The following MAGI2 variants were observed in gnomAD, a reference collection of about 807,000 sequenced individuals.
MAGI2 encodes the protein membrane associated guanylate kinase, WW and PDZ domain containing 2.
Under a neutral mutation model 133.3 loss-of-function variants are expected in MAGI2, and 35 were observed. That is an observed-to-expected ratio of 0.26 (90% confidence interval 0.20 to 0.35). The LOEUF (loss-of-function observed/expected upper bound fraction) is 0.35, where lower values mean the gene tolerates loss of function less well. MAGI2 is among the 10% of genes least tolerant of loss of function. The probability of loss-of-function intolerance (pLI) is 1.00; values close to 1 mark genes in which losing one functional copy is unlikely to be tolerated. For missense variants in MAGI2, 1,636 were observed against 1,863.4 expected (o/e 0.88, Z 2.25); for synonymous variants, 729 against 710.6 (o/e 1.03, Z -0.41).
intron 2 of MAGI2, among the ~76,000 whole-genome samples, chr7:78,960,784 C>T (rs1054188958): frequency 6.6e-6 from 1 of 152,066 alleles, no homozygotes; most frequent in Non-Finnish European, 1.5e-5. Flanking sequence ...GGAACTAACT[C>T]CAAACCATGG....
At chr7:79,157,941 AGT>A (rs60535225) in intron 1 of MAGI2, among the ~76,000 whole-genome samples, 9,857 of 134,820 alleles carry the variant, frequency 0.073, 366 homozygotes, top group African/African-American at 0.091. Context: ...TCTTTGTGTG[AGT>A]GTGTGTGTGT....
At chr7:79,019,528 C>A (rs942967134) in intron 1 of MAGI2, among the ~76,000 whole-genome samples, 3 of 152,048 alleles carry the variant, frequency 2.0e-5, no homozygotes, top group Admixed American at 1.3e-4. Context: ...TTGGGTATTT[C>A]TTTTTTCTGT....
chr7:78,060,244 ACC>A (rs546547396), intron 21 of MAGI2, among the ~76,000 whole-genome samples: 2 of 102,038 alleles, frequency 2.0e-5, no homozygotes, highest in African/African-American at 7.4e-5. Flanking sequence ...AACAAAAGGG[ACC>A]CCCCCCCCTC....
At chr7:78,683,878 A>C (rs1161564494) in intron 2 of MAGI2, among the ~76,000 whole-genome samples, 3 of 152,212 alleles carry the variant, frequency 2.0e-5, no homozygotes, top group Admixed American at 6.5e-5. Flanking sequence ...AACAGCTGAT[A>C]AAATACCAGT....
intron 14 of MAGI2, among the ~76,000 whole-genome samples, chr7:78,175,530 G>A (rs1008599560): frequency 2.6e-5 from 4 of 152,142 alleles, no homozygotes; most frequent in South Asian, 4.1e-4. Flanking sequence ...TCCACTTCAC[G>A]TAGCCTGGTG....
chr7:79,215,548 G>A (rs1455213715), intron 1 of MAGI2, among the ~76,000 whole-genome samples: 1 of 151,944 alleles, frequency 6.6e-6, no homozygotes, highest in Non-Finnish European at 1.5e-5. Flanking sequence ...ACTTTCTATT[G>A]ATTCCAGGTC....
chr7:78,098,445 C>G lies in MAGI2; in HGVS notation c.3568-19360G>C, dbSNP rs142228400. 1.5e-3 allele frequency among the ~76,000 whole-genome samples: 231 copies of G among 152,250 alleles called. 6 individuals carry two copies. The South Asian group carries it at 0.038, about 25-fold the overall frequency. ...ATCTGTTCATATAGAGGATACAGTT[C>G]ATTTTCACTACTACATAATTCTCTA... On this transcript the variant is annotated intron_variant, in intron 20 of 21. Coordinates refer to ENST00000354212, the MANE Select transcript of MAGI2 (RefSeq NM_012301.4).
At chr7:79,022,291 A>C (rs1378183429) in intron 1 of MAGI2, among the ~76,000 whole-genome samples, 1 of 152,196 alleles carries the variant, frequency 6.6e-6, no homozygotes, top group Non-Finnish European at 1.5e-5. Flanking sequence ...GGTAAACAAT[A>C]AAATTAAATC....
chr7:79,219,431 G>A (rs575996817), intron 1 of MAGI2, among the ~76,000 whole-genome samples: 11 of 151,844 alleles, frequency 7.2e-5, no homozygotes, highest in Non-Finnish European at 1.0e-4. Context: ...TATGTATTTG[G>A]CATTTAGCTT....
At chr7:79,373,307 T>C (rs1175321480) in intron 1 of MAGI2, among the ~76,000 whole-genome samples, 2 of 152,042 alleles carry the variant, frequency 1.3e-5, no homozygotes, top group Non-Finnish European at 2.9e-5. Context: ...GAGTTGCCTG[T>C]TATTGGCAAA....
intron 2 of MAGI2, among the ~76,000 whole-genome samples, chr7:78,980,516 T>G (rs928724226): frequency 2.0e-5 from 3 of 151,824 alleles, no homozygotes; most frequent in Non-Finnish European, 2.9e-5. Flanking sequence ...AGAAGGGAGT[T>G]GAACTCAGAA....
chr7:78,899,897 G>A (rs532461580), intron 2 of MAGI2, among the ~76,000 whole-genome samples: 182 of 152,192 alleles, frequency 1.2e-3, no homozygotes, highest in African/African-American at 4.2e-3. Flanking sequence ...TGCCAAAAGA[G>A]CTCAGAAATT....
chr7:78,161,689 A>C (rs867571319), intron 15 of MAGI2, among the ~76,000 whole-genome samples: 23 of 117,544 alleles, frequency 2.0e-4, no homozygotes, highest in Admixed American at 3.3e-4. Flanking sequence ...AAAAAAAAAG[A>C]AAAAAAAAAA....
In MAGI2 at chr7:79,098,047, G is replaced by A. The variant is rs545874924; in HGVS notation, c.302-90841C>T. Among the ~76,000 whole-genome samples, 18 of 152,242 alleles carry A rather than the reference G, an allele frequency of 1.2e-4. No individual in the cohort carries two copies. The South Asian group carries it at 2.5e-3, about 21-fold the overall frequency. On this transcript the variant is annotated intron_variant, in intron 1 of 21. Coordinates refer to ENST00000354212, the MANE Select transcript of MAGI2 (RefSeq NM_012301.4). ...TGAGGCATGAGAATCACTTGAATCC[G>A]GGAGGCGGAGGCTGCAGTGAGCCAA...
intron 2 of MAGI2, among the ~76,000 whole-genome samples, chr7:78,794,089 G>A (rs1787398745): frequency 6.6e-6 from 1 of 152,110 alleles, no homozygotes; most frequent in African/African-American, 2.4e-5. Context: ...AATTATGGTG[G>A]CCTCCAGTTT....
chr7:78,370,322 A>C (rs1033338441), intron 6 of MAGI2, among the ~76,000 whole-genome samples: 1 of 152,062 alleles, frequency 6.6e-6, no homozygotes, highest in Non-Finnish European at 1.5e-5. Context: ...CAAGGATGTC[A>C]TTCAATGTGA....
chr7:78,938,872 G>A (rs1800752004), intron 2 of MAGI2, among the ~76,000 whole-genome samples: 1 of 152,100 alleles, frequency 6.6e-6, no homozygotes, highest in African/African-American at 2.4e-5. Context: ...AAACACAATA[G>A]AATAACAAGA....
chr7:78,573,311 TAA>T (rs1491132117), intron 3 of MAGI2, among the ~76,000 whole-genome samples: 3 of 49,554 alleles, frequency 6.1e-5, no homozygotes, highest in East Asian at 4.8e-4. Flanking sequence ...TTTATATATA[TAA>T]ATATATAAAT....
At chr7:79,157,002 A>G (rs1311999015) in intron 1 of MAGI2, among the ~76,000 whole-genome samples, 1 of 152,014 alleles carries the variant, frequency 6.6e-6, no homozygotes, top group African/African-American at 2.4e-5. Flanking sequence ...CCTTCGGTTG[A>G]CAGTCCTTGA....
Sources: gnomAD v4.1 joint callset for allele counts (sites outside exome capture counted in the v4.1 genomes callset) on GRCh38, gnomAD v4.1.1 for gene constraint, MANE v1.5 for transcripts, NCBI Gene and HGNC (gene_info 2026-07-23, HGNC 2026-07-21) for gene names.